The following CHD9 variants were observed in gnomAD, a reference collection of about 807,000 sequenced individuals.
The protein encoded by CHD9 is ATP-dependent chromatin remodeler CHD9.
In CHD9, 77 loss-of-function variants were observed where a neutral mutation model predicts 316.1. The ratio of observed to expected loss-of-function variants is 0.24; its 90% confidence interval spans 0.20 to 0.29. CHD9 has a LOEUF of 0.29. Ranked by LOEUF, CHD9 falls within the 10% of genes least tolerant of loss-of-function variation. The pLI, the probability that CHD9 is intolerant of heterozygous loss-of-function variation, is 1.00. For synonymous variants in CHD9, 1,129 were observed against 1,158.3 expected, an observed-to-expected ratio of 0.97 and a Z score of 0.51; for missense variants, 2,763 against 3,438.1, an observed-to-expected ratio of 0.80 and a Z score of 4.91.
intron 1 of CHD9, among the ~76,000 whole-genome samples, chr16:53,107,409 G>A (rs956891244): frequency 3.3e-5 from 5 of 150,382 alleles, no homozygotes; most frequent in South Asian, 2.1e-4. Context: ...GCAGTGAGCC[G>A]AGATTGCACC....
At chr16:53,089,120 A>T (rs1403311121) in intron 1 of CHD9, among the ~76,000 whole-genome samples, 1 of 151,180 alleles carries the variant, frequency 6.6e-6, no homozygotes, top group Non-Finnish European at 1.5e-5. Context: ...TCAAAAAAAA[A>T]AAAATAATAA....
intron 27 of CHD9, among the ~76,000 whole-genome samples, chr16:53,290,903 A>T (rs557569151): frequency 1.3e-5 from 2 of 152,254 alleles, no homozygotes; most frequent in African/African-American, 4.8e-5. Flanking sequence ...AACATCTGGC[A>T]TGTATCGAGT....
At chr16:53,152,675 A>G (rs1443747405) in intron 1 of CHD9, among the ~76,000 whole-genome samples, 2 of 152,204 alleles carry the variant, frequency 1.3e-5, no homozygotes, top group Admixed American at 1.3e-4. Flanking sequence ...CTGTTTTGAA[A>G]CAGGGCAAGG....
At chr16:53,243,159 G>C in intron 13 of CHD9, 143 bp downstream of exon 13, 1 of 549,670 alleles carries the variant, frequency 1.8e-6, no homozygotes, top group Non-Finnish European at 3.0e-6. Flanking sequence ...GAGATTTTTT[G>C]GGGGGCCTTA....
Position 53,249,983 on chromosome 16 carries a change from G to A in CHD9, c.3778G>A (p.Ala1260Thr). ...DRFVFLLCTRAGGLGINLTAA... is the reference protein window; with the variant it reads ...DRFVFLLCTRTGGLGINLTAA... The stretch of plus-strand genomic sequence containing the variant: ...ATTTGTTTTTCTCCTGTGTACCCGA[G>A]CTGGTGGGTTGGGCATCAACTTAAC... The change falls in exon 17 of 39, where the codon GCT becomes ACT. Residue 1260 changes from alanine to threonine, a missense_variant. By Grantham distance (58) the Ala-to-Thr change is moderately conservative (BLOSUM62 0). Transcript: ENST00000447540. 1 of 1,613,684 alleles carries A rather than the reference G, an allele frequency of 6.2e-7. No individual in the cohort carries two copies. Among genetic ancestry groups the A allele is most frequent in the Non-Finnish European group, 8.5e-7 (1 of 1,179,736 alleles).
chr16:53,255,752 A>G lies in CHD9; in HGVS notation c.4182A>G (p.Ser1394=), dbSNP rs2050534254. 1 of 1,613,768 alleles carries G rather than the reference A, an allele frequency of 6.2e-7. No individual in the cohort carries two copies. The highest frequency in any genetic ancestry group is 8.5e-7 in the Non-Finnish European group (1 of 1,179,808). The change falls in exon 19 of 39, where the codon TCA becomes TCG. Residue 1394 remains serine, a synonymous_variant. Transcript: ENST00000447540. Reference sequence around the variant, plus strand: ...GTACAAAAACTATTACAATTGAATCAGAAGGACGTGGGTCAACATTTGCCA... The same window carrying G: ...GTACAAAAACTATTACAATTGAATCGGAAGGACGTGGGTCAACATTTGCCA... ...LRRTKTITIE[S]EGRGSTFAKA... is the part of the protein sequence containing the mutation.
At chr16:53,249,769 A>T in intron 16 of CHD9, 102 bp from the exon 17 acceptor site, 1 of 915,252 alleles carries the variant, frequency 1.1e-6, no homozygotes, top group Non-Finnish European at 1.7e-6. Context: ...TTAATTTTAG[A>T]GAAAACATAA....
chr16:53,244,159 AT>A (rs2049351115), intron 13 of CHD9, among the ~76,000 whole-genome samples: 1 of 149,378 alleles, frequency 6.7e-6, no homozygotes. Context: ...ATTCTGTTTA[AT>A]TTTTAAGGAA....
intron 24 of CHD9, among the ~76,000 whole-genome samples, chr16:53,285,161 C>T (rs767006871): frequency 3.3e-5 from 5 of 152,128 alleles, no homozygotes; most frequent in Non-Finnish European, 5.9e-5. Flanking sequence ...TCTAGAGGAG[C>T]TATTACTTGT....
Position 53,226,501 on chromosome 16 carries a change from C to A in CHD9, c.2032C>A (p.Gln678Lys). ...SAPLPGEQPL[Q>K]LFVENPSEED... The stretch of plus-strand genomic sequence containing the variant: ...TCCTTTACCTGGTGAACAGCCTTTA[C>A]AATTGTTTGTGGTAAGCATATTTGG... The change falls in exon 5 of 39, where the codon CAA (glutamine) becomes AAA (lysine). Residue 678 changes from glutamine to lysine, a missense_variant. By Grantham distance (53) the Gln-to-Lys change is moderately conservative. Transcript: ENST00000447540. 7 of 1,599,238 alleles carry A rather than the reference C, an allele frequency of 4.4e-6. No homozygotes were observed. The highest frequency in any genetic ancestry group is 5.9e-6 in the Non-Finnish European group (7 of 1,176,542).
chr16:53,314,245 T>G (rs62049810), intron 34 of CHD9, 132 bp from the exon 35 acceptor site: 1 of 556,776 alleles, frequency 1.8e-6, no homozygotes, highest in Non-Finnish European at 2.9e-6. Flanking sequence ...ATGATATTTT[T>G]AGTCCAAAAG....
In CHD9 at chr16:53,303,895, T is replaced by C. The variant is rs1290556038; in HGVS notation, c.5889T>C (p.Cys1963=). The change falls in exon 31 of 39, where the codon TGT becomes TGC. Residue 1963 remains cysteine (C), a synonymous_variant. Transcript: ENST00000447540. ...PNPDLPVWWE[C]GPHDRDLLIG... ...CAGATTTACCAGTCTGGTGGGAATG[T>C]GGCCCTCATGATAGGGATTTGCTTA... 6.2e-7 allele frequency: 1 copy of C among 1,614,042 alleles called. No individual in the cohort carries two copies. The highest frequency in any genetic ancestry group is 1.7e-5 in the Admixed American group (1 of 60,030).
At chr16:53,131,364 G>A in intron 1 of CHD9, 1 of 139,514 alleles carries the variant, frequency 7.2e-6, no homozygotes, top group Non-Finnish European at 1.5e-5. Context: ...GGGGGGAGGG[G>A]CAGGCGGGGC....
chr16:53,304,752 T>A, intron 31 of CHD9, 127 bp downstream of exon 31: 1 of 784,006 alleles, frequency 1.3e-6, no homozygotes, highest in Non-Finnish European at 1.9e-6. Context: ...TGGAGTGCAA[T>A]GGCGCAATCT....
intron 1 of CHD9, among the ~76,000 whole-genome samples, chr16:53,155,329 C>T (rs1364088577): frequency 1.3e-5 from 2 of 151,556 alleles, no homozygotes; most frequent in African/African-American, 4.9e-5. Context: ...CTCAAGCAGT[C>T]CTCCCACCTC....
At chr16:53,191,684 T>G (rs2044490599) in intron 2 of CHD9, among the ~76,000 whole-genome samples, 1 of 152,168 alleles carries the variant, frequency 6.6e-6, no homozygotes, top group South Asian at 2.1e-4. Context: ...GATGGACACT[T>G]GGAGTTTTTA....
chr16:53,246,579 G>A (rs2049639411), intron 15 of CHD9, among the ~76,000 whole-genome samples: 1 of 152,020 alleles, frequency 6.6e-6, no homozygotes, highest in Admixed American at 6.6e-5. Context: ...GAGTACAGAG[G>A]TGTGTTCATA....
At position 53,155,907 on chromosome 16, in the gene CHD9, TTTG is replaced by T. The variant is rs2041490977; in HGVS notation, c.-164-16_-164-14del. ...CAGTACTTAATTTCTCTTTATTGTT[TTTG>T]TTCCTTTTTTTCTAGGATTTTGACA... On this transcript the variant is annotated splice_polypyrimidine_tract_variant and intron_variant, in intron 1 of 38. Coordinates refer to ENST00000447540, the MANE Select transcript of CHD9 (RefSeq NM_001308319.2). The T allele has an allele frequency of 5.1e-6, 3 of 585,776 alleles. No individual in the cohort carries two copies. The highest frequency in any genetic ancestry group is 8.8e-6 in the Non-Finnish European group (3 of 340,866). The allele number at this position is 585,776 out of a possible 1,614,324, so 36.3% of individuals were successfully genotyped here. A position where few individuals can be genotyped will look rare whatever the true frequency, so the allele number is the denominator to read the frequency against.
At chr16:53,215,654 G>A (rs2152888441) in intron 3 of CHD9, among the ~76,000 whole-genome samples, 1 of 152,148 alleles carries the variant, frequency 6.6e-6, no homozygotes, top group South Asian at 2.1e-4. Flanking sequence ...CTCTTATGAT[G>A]AATTGGATGT....
Sources: allele counts gnomAD v4.1 joint callset (sites outside exome capture counted in the v4.1 genomes callset), GRCh38; gene constraint gnomAD v4.1.1; transcripts MANE v1.5; gene names NCBI Gene and HGNC (gene_info 2026-07-23, HGNC 2026-07-21).